Variants in HERPUD2 observed in about 807,000 individuals in gnomAD.
The protein encoded by HERPUD2 is homocysteine-responsive endoplasmic reticulum-resident ubiquitin-like domain member 2 protein.
In HERPUD2, 13 loss-of-function variants were observed where a neutral mutation model predicts 49.9. The ratio of observed to expected loss-of-function variants is 0.26; its 90% CI spans 0.17 to 0.41. The LOEUF (loss-of-function observed/expected upper bound fraction) is 0.41. Ranked by LOEUF, HERPUD2 falls within the 10% of genes least tolerant of loss-of-function variation. The pLI is 1.00. For synonymous variants in HERPUD2, 172 were observed against 171.4 expected (o/e 1.00, Z -0.03); for missense variants, 449 against 492.2 (o/e 0.91, Z 0.83).
chr7:35,689,887 G>A (rs1263149036), intron 2 of HERPUD2, among the ~76,000 whole-genome samples: 1 of 152,188 alleles, frequency 6.6e-6, no homozygotes, highest in East Asian at 1.9e-4. Flanking sequence ...AATTCAGAGT[G>A]AGTCAGGTCC....
chr7:35,634,516 G>T, intron 7 of HERPUD2, 87 bp from the exon 8 acceptor site: 1 of 742,178 alleles, frequency 1.3e-6, no homozygotes, highest in Non-Finnish European at 2.3e-6. Flanking sequence ...TCCTATAAGA[G>T]AAAAATGATT....
At chr7:35,681,786 A>G (rs971823240) in intron 2 of HERPUD2, among the ~76,000 whole-genome samples, 2 of 152,154 alleles carry the variant, frequency 1.3e-5, no homozygotes, top group African/African-American at 4.8e-5. Context: ...GCAAATCCAT[A>G]GAAACAGAAA....
chr7:35,638,309 A>G, intron 6 of HERPUD2, 41 bp downstream of exon 6: 1 of 1,528,956 alleles, frequency 6.5e-7, no homozygotes, highest in Non-Finnish European at 8.9e-7. Context: ...AAAGCAAATA[A>G]CACACTGAGT....
At chr7:35,681,518 C>T (rs536151556) in intron 2 of HERPUD2, among the ~76,000 whole-genome samples, 1 of 151,968 alleles carries the variant, frequency 6.6e-6, no homozygotes, top group African/African-American at 2.4e-5. Context: ...AAAACTTGTA[C>T]AAGAATGTTC....
intron 5 of HERPUD2, among the ~76,000 whole-genome samples, chr7:35,667,157 C>T (rs190377359): frequency 1.6e-4 from 24 of 152,304 alleles, no homozygotes; most frequent in African/African-American, 5.8e-4. Flanking sequence ...CAGGCCCCAT[C>T]ATACCTATTG....
chr7:35,635,256 G>C lies in HERPUD2; in HGVS notation c.820C>G (p.Arg274Gly), dbSNP rs752472272. 25 of 1,613,896 alleles carry C rather than the reference G, an allele frequency of 1.5e-5. No homozygotes were observed. The East Asian group carries it at 5.3e-4, about 35-fold the overall frequency. The change falls in exon 7 of 9, where the codon CGA becomes GGA. Residue 274 changes from arginine to glycine, a missense_variant. Coordinates refer to ENST00000311350, the MANE Select transcript of HERPUD2 (RefSeq NM_022373.5). Reference protein sequence around the residue: ...GPVLNEEDFNRDWLDWMYTFS... With the variant: ...GPVLNEEDFNGDWLDWMYTFS... ...GTGTACATCCAGTCTAGCCAGTCTC[G>C]ATTGAAGTCTTCTTCATTTAGTACT...
Position 35,661,851 on chromosome 7 carries a change from T to C in HERPUD2, c.494+5583A>G, listed in dbSNP as rs186668852. Among the ~76,000 whole-genome samples the C allele has an allele frequency of 3.5e-3, 532 of 152,328 alleles. 3 individuals carry two copies. Among genetic ancestry groups the C allele is most frequent in the African/African-American group, 0.012 (493 of 41,568 alleles). Reference sequence around the variant, plus strand: ...ACAATTTGACTTCCTCATTTCCTAATTGAATACCCTTTATTGCTTTCTCTT... The same window carrying C: ...ACAATTTGACTTCCTCATTTCCTAACTGAATACCCTTTATTGCTTTCTCTT... On this transcript the variant is annotated intron_variant, in intron 5 of 8. Coordinates refer to ENST00000311350, the MANE Select transcript of HERPUD2 (RefSeq NM_022373.5).
chr7:35,642,307 T>A (rs1211930673), intron 5 of HERPUD2, among the ~76,000 whole-genome samples: 3 of 152,066 alleles, frequency 2.0e-5, no homozygotes, highest in African/African-American at 7.2e-5. Context: ...AGTTAAAAAA[T>A]AACAGATGCT....
At chr7:35,673,657 A>G (rs1396151225) in intron 2 of HERPUD2, among the ~76,000 whole-genome samples, 1 of 152,150 alleles carries the variant, frequency 6.6e-6, no homozygotes, top group African/African-American at 2.4e-5. Flanking sequence ...TTAATCGTCA[A>G]CAGTAGGATA....
intron 5 of HERPUD2, among the ~76,000 whole-genome samples, chr7:35,652,712 G>A (rs73338401): frequency 0.029 from 4,338 of 151,614 alleles, 182 homozygotes; most frequent in African/African-American, 0.097. Context: ...AGGGAAGGGA[G>A]AGAAGGGAGA....
At chr7:35,685,963 A>AATAC (rs1786032761) in intron 2 of HERPUD2, among the ~76,000 whole-genome samples, 1 of 126,482 alleles carries the variant, frequency 7.9e-6, no homozygotes, top group Non-Finnish European at 1.6e-5. Flanking sequence ...CCTGTCTCTA[A>AATAC]ATAAATAAAT....
intron 2 of HERPUD2, among the ~76,000 whole-genome samples, chr7:35,677,051 A>G (rs1785777969): frequency 6.6e-6 from 1 of 152,134 alleles, no homozygotes; most frequent in African/African-American, 2.4e-5. Context: ...TTATAATTAT[A>G]TCTAACAAAA....
At chr7:35,642,328 CAGAGA>C (rs1784978909) in intron 5 of HERPUD2, among the ~76,000 whole-genome samples, 1 of 152,106 alleles carries the variant, frequency 6.6e-6, no homozygotes, top group Admixed American at 6.5e-5. Context: ...GGCAAGGTTG[CAGAGA>C]AAAGTGAACA....
intron 5 of HERPUD2, among the ~76,000 whole-genome samples, chr7:35,647,888 A>G (rs1430041060): frequency 6.6e-6 from 1 of 152,248 alleles, no homozygotes; most frequent in Non-Finnish European, 1.5e-5. Flanking sequence ...TACAATGCCT[A>G]ACTTCTGCTA....
chr7:35,634,469 T>C (rs778201539), intron 7 of HERPUD2, 40 bp from the exon 8 acceptor site: 13 of 1,213,844 alleles, frequency 1.1e-5, no homozygotes, highest in Non-Finnish European at 1.6e-5. Context: ...TAAGTCACAG[T>C]TGTTTTTATT....
rs1373360235 is a variant in HERPUD2, at chr7:35,646,923, C to G, written c.495-8451G>C. The stretch of plus-strand genomic sequence containing the variant: ...TAGGATAATAACAGAAAAAAGGGAG[C>G]AAGGCAAATTCACTGAAACACATAA... On this transcript the variant is annotated intron_variant, in intron 5 of 8. Coordinates refer to ENST00000311350, the MANE Select transcript of HERPUD2 (RefSeq NM_022373.5). Among the ~76,000 whole-genome samples the G allele has an allele frequency of 2.0e-5, 3 of 150,852 alleles. No homozygotes were observed. In the East Asian group the frequency reaches 5.8e-4, roughly 29 times the overall value.
At chr7:35,653,760 T>C (rs1203880286) in intron 5 of HERPUD2, among the ~76,000 whole-genome samples, 1 of 152,160 alleles carries the variant, frequency 6.6e-6, no homozygotes, top group African/African-American at 2.4e-5. Flanking sequence ...AAGAGAAACT[T>C]TGGAAACTGT....
chr7:35,635,189 T>C lies in HERPUD2; in HGVS notation c.887A>G (p.Tyr296Cys), dbSNP rs769025013. 2.5e-6 allele frequency: 4 copies of C among 1,614,134 alleles called. No homozygotes were observed. Among genetic ancestry groups the C allele is most frequent in the South Asian group, 2.2e-5 (2 of 91,080 alleles). The change falls in exon 7 of 9, where the codon TAT (tyrosine) becomes TGT (cysteine). Residue 296 changes from tyrosine (Y) to cysteine (C), a missense_variant. Tyr to Cys is a radical substitution (Grantham distance 194, BLOSUM62 -2). Transcript: ENST00000311350. ...AAILLSIVYF[Y>C]SSFSRFIMVM... is the part of the protein sequence containing the mutation. ...CATGATAAACCGACTAAAAGAAGAA[T>C]AGAAGTATACAATGCTAAGGAGAAT...
chr7:35,634,641 C>T (rs79747436), intron 7 of HERPUD2, among the ~76,000 whole-genome samples: 12,616 of 152,184 alleles, frequency 0.083, 750 homozygotes, highest in South Asian at 0.21. Flanking sequence ...ATCATGGACT[C>T]CACTGGCTCT....
Sources: allele counts gnomAD v4.1 joint callset (sites outside exome capture counted in the v4.1 genomes callset), GRCh38; gene constraint gnomAD v4.1.1; transcripts MANE v1.5; gene names NCBI Gene and HGNC (gene_info 2026-07-23, HGNC 2026-07-21).